FZD4: variants seen among roughly 807,000 people sequenced by gnomAD.
FZD4 encodes frizzled class receptor 4.
Under a neutral mutation model 37.3 loss-of-function variants are expected in FZD4, and 16 were observed. The observed-to-expected ratio is 0.43, with a 90% CI of 0.29 to 0.65. The LOEUF is 0.65. Among genes scored for constraint, FZD4 ranks in the 30% least tolerant of loss-of-function variants. The pLI is 0.16. For missense variants in FZD4, 599 were observed against 674.3 expected, an observed-to-expected ratio of 0.89 and a Z score of 1.24; for synonymous variants, 246 against 254.8, an observed-to-expected ratio of 0.97 and a Z score of 0.33.
chr11:86,950,956 C>G lies in FZD4; in HGVS notation c.*186G>C. The stretch of plus-strand genomic sequence containing the variant: ...TTTCCATTTTGGATCATTCCAAAGT[C>G]TGCAGCAAAATCATTGGTTTTTTGA... On this transcript the variant is annotated 3_prime_UTR_variant, in exon 2 of 2. Coordinates refer to ENST00000531380, the MANE Select transcript of FZD4 (RefSeq NM_012193.4). 8 of 674,442 alleles carry G rather than the reference C, an allele frequency of 1.2e-5. No homozygotes were observed. The highest frequency in any genetic ancestry group is 1.1e-4 in the South Asian group (6 of 56,750). 41.8% of individuals were successfully genotyped at this position (674,442 alleles called of 1,614,324 possible).
chr11:86,951,477 T>C lies in FZD4; in HGVS notation c.1279A>G (p.Thr427Ala), dbSNP rs528348145. 6.2e-7 allele frequency: 1 copy of C among 1,614,138 alleles called. No individual in the cohort carries two copies. Among genetic ancestry groups the C allele is most frequent in the African/African-American group, 1.3e-5 (1 of 75,048 alleles). ...RSNLQKDGTK[T>A]DKLERLMVKI... ...ACCATCAGTCTTTCTAACTTGTCTG[T>C]CTTTGTCCCATCCTTTTGAAGATTT... The change falls in exon 2 of 2, where the codon ACA (threonine) becomes GCA (alanine). Residue 427 changes from threonine (T) to alanine (A), a missense_variant. Transcript: ENST00000531380.
chr11:86,951,407 C>A lies in FZD4; in HGVS notation c.1349G>T (p.Cys450Phe). 1 of 1,613,830 alleles carries A rather than the reference C, an allele frequency of 6.2e-7. No homozygotes were observed. Among genetic ancestry groups the A allele is most frequent in the Non-Finnish European group, 8.5e-7 (1 of 1,179,678 alleles). ...TTCATAAAAATAACAGGCAATCACACACGTTGCAGGAACTGTGTACAGTAC... is the reference window on the plus strand; with the variant it reads ...TTCATAAAAATAACAGGCAATCACAAACGTTGCAGGAACTGTGTACAGTAC... ...FSVLYTVPAT[C>F]VIACYFYEIS... Residue 450 changes from cysteine to phenylalanine, a missense_variant, in exon 2 of 2, where the codon TGT becomes TTT. Cys to Phe is a radical substitution (Grantham distance 205, BLOSUM62 -2). This residue lies in a region of FZD4 where 203 missense variants were observed against 196.8 expected (regional missense o/e 1.03). Coordinates refer to ENST00000531380, the MANE Select transcript of FZD4 (RefSeq NM_012193.4).
chr11:86,951,421 T>G lies in FZD4; in HGVS notation c.1335A>C (p.Thr445=). Residue 445 remains threonine (T), a synonymous_variant, in exon 2 of 2, where the codon ACA becomes ACC. Coordinates refer to ENST00000531380, the MANE Select transcript of FZD4 (RefSeq NM_012193.4). The part of the protein sequence containing the change: ...VKIGVFSVLY[T]VPATCVIACY... ...AGGCAATCACACACGTTGCAGGAAC[T>G]GTGTACAGTACTGAGAACACCCCAA... 2 of 1,612,840 alleles carry G rather than the reference T, an allele frequency of 1.2e-6. No individual in the cohort carries two copies. The highest frequency in any genetic ancestry group is 2.2e-5 in the South Asian group (2 of 91,056).
At position 86,947,827 on chromosome 11, in the gene FZD4, G is replaced by A. The variant is rs980264478; in HGVS notation, c.*3315C>T. 2.0e-5 allele frequency: 3 copies of A among 152,294 alleles called. No homozygotes were observed. The highest frequency in any genetic ancestry group is 4.8e-5 in the African/African-American group (2 of 41,446). The allele number at this position is 152,294 out of a possible 1,614,324, so 9.4% of individuals were successfully genotyped here. The stretch of plus-strand genomic sequence containing the variant: ...CTACCAGAAAGGAGGTTGGACAGAG[G>A]TGCCATTGCACCATGTTTAATCTCT... On this transcript the variant is annotated 3_prime_UTR_variant, in exon 2 of 2. Coordinates refer to ENST00000531380, the MANE Select transcript of FZD4 (RefSeq NM_012193.4).
chr11:86,955,007 AC>A lies in FZD4; in HGVS notation c.78del (p.Gln26HisfsTer35). On this transcript the variant is annotated frameshift_variant, in exon 1 of 2. Coordinates refer to ENST00000531380, the MANE Select transcript of FZD4 (RefSeq NM_012193.4). LOFTEE classifies it high-confidence loss of function. The part of the protein sequence containing the change: ...GVGLSLGLLL[Q>X]LLLLLGPARG... ...CGCGCCGGCCCCAGGAGCAGCAGCA[AC>A]TGCAGGAGCAACCCCAGACTGAGAC... 1 of 1,612,642 alleles carries A rather than the reference AC, an allele frequency of 6.2e-7. No individual in the cohort carries two copies.
In FZD4 at chr11:86,948,349, T is replaced by C. The variant is rs1242089321; in HGVS notation, c.*2793A>G. The C allele has an allele frequency of 6.6e-6, 1 of 152,046 alleles. No individual in the cohort carries two copies. The highest frequency in any genetic ancestry group is 2.4e-5 in the African/African-American group (1 of 41,396). The allele number at this position is 152,046 out of a possible 1,614,324, so 9.4% of individuals were successfully genotyped here. On this transcript the variant is annotated 3_prime_UTR_variant, in exon 2 of 2. Coordinates refer to ENST00000531380, the MANE Select transcript of FZD4 (RefSeq NM_012193.4). ...CAGTTAGAAGAACAGAGATTATCTATTTCAGGGCTTTACTACAGTCGGCAC... is the reference window on the plus strand; with the variant it reads ...CAGTTAGAAGAACAGAGATTATCTACTTCAGGGCTTTACTACAGTCGGCAC...
In FZD4 at chr11:86,951,101, T is replaced by A; in HGVS notation, c.*41A>T. 1 of 1,602,592 alleles carries A rather than the reference T, an allele frequency of 6.2e-7. No homozygotes were observed. The highest frequency in any genetic ancestry group is 8.5e-7 in the Non-Finnish European group (1 of 1,169,594). On this transcript the variant is annotated 3_prime_UTR_variant, in exon 2 of 2. Coordinates refer to ENST00000531380, the MANE Select transcript of FZD4 (RefSeq NM_012193.4). ...AGAATTTCCTCCAAAATGCTGGCAT[T>A]CCCCCCTTCAAAATGAAGAAAGCAT...
intron 1 of FZD4, chr11:86,954,515 A>G (rs1949319542): frequency 4.1e-6 from 4 of 985,112 alleles, no homozygotes; most frequent in Non-Finnish European, 4.8e-6. Context: ...CTTGGCAGAG[A>G]TAACCCTCAG....
intron 1 of FZD4, chr11:86,952,722 A>C: frequency 4.9e-6 from 2 of 407,296 alleles, no homozygotes; most frequent in African/African-American, 2.0e-5. Context: ...AAATAAAATA[A>C]ATAGGGTCTG....
chr11:86,951,798 AC>A lies in FZD4; in HGVS notation c.957del (p.Trp319CysfsTer5), dbSNP rs80358290. 4 of 1,614,072 alleles carry A rather than the reference AC, an allele frequency of 2.5e-6. No homozygotes were observed. The highest frequency in any genetic ancestry group is 3.4e-6 in the Non-Finnish European group (4 of 1,179,998). On this transcript the variant is annotated frameshift_variant, in exon 2 of 2. Transcript: ENST00000531380. LOFTEE classifies it high-confidence loss of function. Reference protein sequence around the residue: ...MYFFGMASSIWWVILTLTWFL... With the variant: ...MYFFGMASSIXWVILTLTWFL... ...AACCAAGTGAGTGTCAGAATAACCC[AC>A]CAAATGGAGCTGGCCATTCCAAAAA...
Position 86,951,333 on chromosome 11 carries a change from C to G in FZD4, c.1423G>C (p.Ala475Pro), listed in dbSNP as rs781192701. ...FRYSADDSNM[A>P]VEMLKIFMSL... ...ATAAAAATTTTCAACATTTCAACAG[C>G]CATGTTGGAATCATCTGCAGAATAC... Residue 475 changes from alanine to proline, a missense_variant, in exon 2 of 2, where the codon GCT (alanine) becomes CCT (proline). Around this residue, in one of 3 missense-constraint regions of FZD4, gnomAD observed 203 missense variants for 196.8 expected, o/e 1.03. Transcript: ENST00000531380. 2 of 1,612,824 alleles carry G rather than the reference C, an allele frequency of 1.2e-6. No individual in the cohort carries two copies. The highest frequency in any genetic ancestry group is 4.5e-5 in the East Asian group (2 of 44,876).
At chr11:86,952,491 A>G in intron 1 of FZD4, 21 bp from the exon 2 acceptor site, 1 of 1,608,076 alleles carries the variant, frequency 6.2e-7, no homozygotes, top group Non-Finnish European at 8.5e-7. Context: ...AACAAAATGA[A>G]CACACACAAA....
intron 1 of FZD4, among the ~76,000 whole-genome samples, chr11:86,953,744 G>A (rs951538732): frequency 6.6e-6 from 1 of 152,138 alleles, no homozygotes; most frequent in African/African-American, 2.4e-5. Flanking sequence ...AGCCTCCTGA[G>A]TAGCTGGGAT....
Position 86,946,301 on chromosome 11 carries a change from C to T in FZD4, c.*4841G>A, listed in dbSNP as rs2135032283. 6.6e-6 allele frequency: 1 copy of T among 152,308 alleles called. No homozygotes were observed. The highest frequency in any genetic ancestry group is 2.1e-4 in the South Asian group (1 of 4,824). 9.4% of individuals were successfully genotyped at this position (152,308 alleles called of 1,614,324 possible). ...GGCTCTTGCCCCTCTTTTCAGAAGC[C>T]TTCTAGGATGACAGTGGTCATGTAC... On this transcript the variant is annotated 3_prime_UTR_variant, in exon 2 of 2. Transcript: ENST00000531380.
In FZD4 at chr11:86,951,398, G is replaced by A. The variant is rs1183981823; in HGVS notation, c.1358C>T (p.Ala453Val). ...LYTVPATCVI[A>V]CYFYEISNWA... ...GTTGGAGATTTCATAAAAATAACAG[G>A]CAATCACACACGTTGCAGGAACTGT... The change falls in exon 2 of 2, where the codon GCC becomes GTC. Residue 453 changes from alanine (A) to valine (V), a missense_variant. Physicochemically the swap from Ala to Val is moderately conservative, Grantham distance 64. Transcript: ENST00000531380. 1 of 1,613,522 alleles carries A rather than the reference G, an allele frequency of 6.2e-7. No individual in the cohort carries two copies. Among genetic ancestry groups the A allele is most frequent in the Non-Finnish European group, 8.5e-7 (1 of 1,179,580 alleles).
chr11:86,949,375 C>G lies in FZD4; in HGVS notation c.*1767G>C, dbSNP rs1312213168. ...TGACCACCTTTTTGGAATTTTGAGT[C>G]CCTGGAAATGTTTTTCCACAAAGTG... On this transcript the variant is annotated 3_prime_UTR_variant, in exon 2 of 2. Coordinates refer to ENST00000531380, the MANE Select transcript of FZD4 (RefSeq NM_012193.4). 1 of 150,800 alleles carries G rather than the reference C, an allele frequency of 6.6e-6. No individual in the cohort carries two copies. The highest frequency in any genetic ancestry group is 1.5e-5 in the Non-Finnish European group (1 of 67,822). The allele number at this position is 150,800 out of a possible 1,614,324, so 9.3% of individuals were successfully genotyped here. A position where few individuals can be genotyped will look rare whatever the true frequency, so the allele number is the denominator to read the frequency against.
Position 86,951,706 on chromosome 11 carries a change from T to C in FZD4, c.1050A>G (p.Ala350=). ...IEMHSSYFHI[A]AWAIPAVKTI... ...TTTTCACTGCGGGGATGGCCCAGGCTGCAATGTGGAAATAAGAGCTGTGCA... is the reference window on the plus strand; with the variant it reads ...TTTTCACTGCGGGGATGGCCCAGGCCGCAATGTGGAAATAAGAGCTGTGCA... Residue 350 remains alanine (A), a synonymous_variant, in exon 2 of 2, where the codon GCA becomes GCG. Coordinates refer to ENST00000531380, the MANE Select transcript of FZD4 (RefSeq NM_012193.4). The C allele has an allele frequency of 6.2e-7, 1 of 1,614,184 alleles. No individual in the cohort carries two copies. The highest frequency in any genetic ancestry group is 8.5e-7 in the Non-Finnish European group (1 of 1,180,016).
intron 1 of FZD4, 108 bp from the exon 2 acceptor site, chr11:86,952,578 A>G (rs1949304054): frequency 2.5e-6 from 3 of 1,220,280 alleles, no homozygotes; most frequent in Non-Finnish European, 3.6e-6. Context: ...CTAGGTATCT[A>G]CTTTTAAACC....
rs1487875607 is a variant in FZD4, at chr11:86,946,052, A to C, written c.*5090T>G. The C allele has an allele frequency of 6.6e-6, 1 of 152,500 alleles. No homozygotes were observed. Among genetic ancestry groups the C allele is most frequent in the Admixed American group, 6.5e-5 (1 of 15,272 alleles). The allele number at this position is 152,500 out of a possible 1,614,324, so 9.4% of individuals were successfully genotyped here. A position where few individuals can be genotyped will look rare whatever the true frequency, so the allele number is the denominator to read the frequency against. ...CCGATATTTCATCTACCTTTCTTAC[A>C]AAGAGCTCAAGGGGCCATCATTTTT... On this transcript the variant is annotated 3_prime_UTR_variant, in exon 2 of 2. Coordinates refer to ENST00000531380, the MANE Select transcript of FZD4 (RefSeq NM_012193.4).
Sources: allele counts gnomAD v4.1 joint callset (sites outside exome capture counted in the v4.1 genomes callset), GRCh38; gene constraint gnomAD v4.1.1; regional missense constraint gnomAD v4.1.1; transcripts MANE v1.5; gene names NCBI Gene and HGNC (gene_info 2026-07-23, HGNC 2026-07-21).